TSHZ2: variants seen among roughly 807,000 people sequenced by gnomAD.
TSHZ2 encodes teashirt zinc finger homeobox 2, also known as teashirt homolog 2.
TSHZ2 carries 21 observed loss-of-function variants against 74.4 expected under a neutral mutation model. That is an observed-to-expected ratio of 0.28 (90% CI 0.20 to 0.41). The LOEUF is 0.41. Ranked by LOEUF, TSHZ2 falls within the 10% of genes least tolerant of loss-of-function variation. The pLI, the probability that TSHZ2 is intolerant of heterozygous loss-of-function variation, is 1.00. For missense variants in TSHZ2, 1,244 were observed against 1,293.5 expected (o/e 0.96, Z 0.59); for synonymous variants, 540 against 515.3 (o/e 1.05, Z -0.65).
At chr20:53,022,977 A>G (rs1240107706) in intron 1 of TSHZ2, among the ~76,000 whole-genome samples, 1 of 152,150 alleles carries the variant, frequency 6.6e-6, no homozygotes, top group Non-Finnish European at 1.5e-5. Flanking sequence ...CTGGTTTTCC[A>G]GGACTCTGCT....
At chr20:53,073,436 C>G (rs1249023592) in intron 1 of TSHZ2, among the ~76,000 whole-genome samples, 1 of 151,288 alleles carries the variant, frequency 6.6e-6, no homozygotes, top group Non-Finnish European at 1.5e-5. Flanking sequence ...ATCTATCCCT[C>G]CATCCATCCA....
intron 2 of TSHZ2, among the ~76,000 whole-genome samples, chr20:53,366,513 A>G (rs1981263245): frequency 6.6e-6 from 1 of 152,190 alleles, no homozygotes; most frequent in African/African-American, 2.4e-5. Flanking sequence ...CCTGGGATCT[A>G]ACACCACCTC....
chr20:53,369,750 T>C (rs985406790), intron 2 of TSHZ2, among the ~76,000 whole-genome samples: 2 of 151,934 alleles, frequency 1.3e-5, no homozygotes, highest in African/African-American at 4.8e-5. Flanking sequence ...AACGACCTCA[T>C]GTATTCAAAT....
At chr20:53,290,010 G>T (rs562314146) in intron 2 of TSHZ2, among the ~76,000 whole-genome samples, 2 of 152,200 alleles carry the variant, frequency 1.3e-5, no homozygotes, top group East Asian at 3.9e-4. Flanking sequence ...GAGATTTAGT[G>T]GTTTTTAATT....
intron 1 of TSHZ2, among the ~76,000 whole-genome samples, chr20:53,094,917 A>C (rs1985994024): frequency 6.6e-6 from 1 of 152,208 alleles, no homozygotes; most frequent in Non-Finnish European, 1.5e-5. Flanking sequence ...ATCTCCTGTA[A>C]ATAATGCAGA....
intron 2 of TSHZ2, among the ~76,000 whole-genome samples, chr20:53,388,400 C>T (rs537787252): frequency 7.9e-5 from 12 of 152,222 alleles, no homozygotes; most frequent in African/African-American, 1.9e-4. Context: ...AGGTCCTCTG[C>T]CCTCGAGTAA....
In TSHZ2 at chr20:53,273,869, C is replaced by T. The variant is rs557675924; in HGVS notation, c.*8+17298C>T. 8.5e-5 allele frequency among the ~76,000 whole-genome samples: 13 copies of T among 152,252 alleles called. No individual in the cohort carries two copies. In the South Asian group the frequency reaches 1.2e-3, roughly 15 times the overall value. ...CTCTCAGCTTCACACTGTGGGGCCC[C>T]GGGTGGGCTCTAGAGGACCAGGATA... On this transcript the variant is annotated intron_variant, in intron 2 of 2. Coordinates refer to ENST00000371497, the MANE Select transcript of TSHZ2 (RefSeq NM_173485.6).
At chr20:53,457,218 T>G (rs1049715302) in intron 2 of TSHZ2, among the ~76,000 whole-genome samples, 1 of 145,892 alleles carries the variant, frequency 6.9e-6, no homozygotes, top group African/African-American at 2.6e-5. Context: ...GTTGTTTGTA[T>G]CCTCTTTTAT....
At chr20:53,329,791 T>C (rs932502724) in intron 2 of TSHZ2, among the ~76,000 whole-genome samples, 1 of 151,820 alleles carries the variant, frequency 6.6e-6, no homozygotes, top group Non-Finnish European at 1.5e-5. Context: ...ATATAACTAA[T>C]AGGCATCCAC....
chr20:53,279,954 G>C (rs2145433694), intron 2 of TSHZ2, among the ~76,000 whole-genome samples: 1 of 152,310 alleles, frequency 6.6e-6, no homozygotes, highest in Admixed American at 6.5e-5. Flanking sequence ...GCTCGTTGTG[G>C]GGAACTGAAA....
intron 1 of TSHZ2, among the ~76,000 whole-genome samples, chr20:53,153,362 A>C (rs756391384): frequency 6.6e-6 from 1 of 152,180 alleles, no homozygotes; most frequent in Non-Finnish European, 1.5e-5. Context: ...TTACTTCAAA[A>C]GTTGCATGTG....
intron 1 of TSHZ2, among the ~76,000 whole-genome samples, chr20:53,181,688 A>T (rs1367700684): frequency 6.6e-6 from 1 of 152,182 alleles, no homozygotes; most frequent in Non-Finnish European, 1.5e-5. Flanking sequence ...GGAGATTGAG[A>T]CCATCCTGGC....
At chr20:53,189,034 A>G (rs1988669219) in intron 1 of TSHZ2, among the ~76,000 whole-genome samples, 1 of 152,200 alleles carries the variant, frequency 6.6e-6, no homozygotes, top group East Asian at 1.9e-4. Context: ...TTCTTTCCTC[A>G]TGCCATTTCT....
intron 2 of TSHZ2, among the ~76,000 whole-genome samples, chr20:53,472,791 T>C (rs1007841353): frequency 1.3e-5 from 2 of 151,126 alleles, no homozygotes; most frequent in Non-Finnish European, 2.9e-5. Context: ...CGCAGGTCAG[T>C]GGGTGCGCGC....
chr20:53,455,268 G>C (rs1985011463), intron 2 of TSHZ2: 1 of 152,156 alleles, frequency 6.6e-6, no homozygotes, highest in South Asian at 2.1e-4. Flanking sequence ...CATCTGACGT[G>C]GTCTTGATGG....
intron 2 of TSHZ2, among the ~76,000 whole-genome samples, chr20:53,317,992 T>C (rs1039779338): frequency 2.6e-5 from 4 of 152,202 alleles, no homozygotes; most frequent in Admixed American, 6.5e-5. Flanking sequence ...AAAATTTTCA[T>C]CTTGTTGGTC....
In TSHZ2 at chr20:53,307,526, C is replaced by T. The variant is rs6022381; in HGVS notation, c.*8+50955C>T. 6.5e-3 allele frequency among the ~76,000 whole-genome samples: 988 copies of T among 152,224 alleles called. 9 individuals carry two copies. The highest frequency in any genetic ancestry group is 0.022 in the African/African-American group (926 of 41,534). ...CTGCAGACTGTTTCTCAGCCCTGGT[C>T]GCACATTAGTGTCACCTGGGGAGCT... On this transcript the variant is annotated intron_variant, in intron 2 of 2. Coordinates refer to ENST00000371497, the MANE Select transcript of TSHZ2 (RefSeq NM_173485.6).
chr20:53,458,645 T>G (rs1985215336), intron 2 of TSHZ2, among the ~76,000 whole-genome samples: 1 of 152,032 alleles, frequency 6.6e-6, no homozygotes, highest in South Asian at 2.1e-4. Flanking sequence ...GTTCTTTTAA[T>G]TGTGATGTTA....
chr20:52,973,618 T>C (rs1981215553), intron 1 of TSHZ2, among the ~76,000 whole-genome samples: 1 of 152,188 alleles, frequency 6.6e-6, no homozygotes, highest in African/African-American at 2.4e-5. Context: ...GTCTGTTTCT[T>C]GCCTCTCGGG....
Sources: gnomAD v4.1 joint callset for allele counts (sites outside exome capture counted in the v4.1 genomes callset) on GRCh38, gnomAD v4.1.1 for gene constraint, MANE v1.5 for transcripts, NCBI Gene and HGNC (gene_info 2026-07-23, HGNC 2026-07-21) for gene names.